The following GLT1D1 variants were observed in gnomAD, a reference collection of about 807,000 sequenced individuals.
GLT1D1 encodes glycosyltransferase 1 domain-containing protein 1.
A neutral mutation model predicts 28.7 loss-of-function variants in GLT1D1; 21 were observed. That is an observed-to-expected ratio of 0.73 (90% CI 0.52 to 1.05). GLT1D1 has a LOEUF of 1.05. GLT1D1 is among the 50% of genes least tolerant of loss of function. The pLI is 0.00. For synonymous variants in GLT1D1, 147 were observed against 124.8 expected (o/e 1.18, Z -1.19); for missense variants, 343 against 330.6 (o/e 1.04, Z -0.29).
At position 128,959,411 on chromosome 12, in the gene GLT1D1, T is replaced by TA. The variant is rs1555219942; in HGVS notation, c.639+1768_639+1769insA. ...GATGAAAGCCAGCTTCATGAGGCAG[T>TA]GGGGGGGGACGGGTGGGGAGGTGGC... On this transcript the variant is annotated intron_variant, in intron 7 of 7. Transcript: ENST00000281703. Among the ~76,000 whole-genome samples, 284 of 31,526 alleles carry TA rather than the reference T, an allele frequency of 9.0e-3. 3 individuals carry two copies. Among genetic ancestry groups the TA allele is most frequent in the African/African-American group, 0.03 (268 of 8,886 alleles). The allele number at this position is 31,526 out of a possible 152,430, so 20.7% of individuals were successfully genotyped here. A position where few individuals can be genotyped will look rare whatever the true frequency, so the allele number is the denominator to read the frequency against.
intron 7 of GLT1D1, among the ~76,000 whole-genome samples, chr12:128,978,847 G>A (rs1170921852): frequency 1.3e-5 from 2 of 152,134 alleles, no homozygotes; most frequent in Non-Finnish European, 2.9e-5. Flanking sequence ...GACCATATAG[G>A]GCAATTTCCT....
chr12:128,934,383 G>A (rs11060026), intron 4 of GLT1D1, among the ~76,000 whole-genome samples: 20,465 of 151,888 alleles, frequency 0.13, 1,670 homozygotes, highest in East Asian at 0.34. Flanking sequence ...TAGTAGAGAC[G>A]GGGTTTTGCC....
At chr12:128,869,192 G>T (rs1304794230) in intron 1 of GLT1D1, among the ~76,000 whole-genome samples, 3 of 151,590 alleles carry the variant, frequency 2.0e-5, no homozygotes. Flanking sequence ...TCTTTGACAG[G>T]GTCTCACTCG....
At position 128,938,735 on chromosome 12, in the gene GLT1D1, G is replaced by T. The variant is rs116413844; in HGVS notation, c.376-6591G>T. On this transcript the variant is annotated intron_variant, in intron 4 of 7. Coordinates refer to ENST00000281703, the MANE Select transcript of GLT1D1 (RefSeq NM_144669.3). ...CACTCCCGGCTCATCAGGAGTAGCA[G>T]CTGGGAAGAAACTGCAGGCATAGCA... Among the ~76,000 whole-genome samples, 146 of 152,330 alleles carry T rather than the reference G, an allele frequency of 9.6e-4. 1 individual carries two copies. Among genetic ancestry groups the T allele is most frequent in the Non-Finnish European group, 3.5e-4 (24 of 68,018 alleles).
chr12:128,950,050 A>AGT (rs149287018), intron 6 of GLT1D1, among the ~76,000 whole-genome samples: 70 of 151,550 alleles, frequency 4.6e-4, no homozygotes, highest in Admixed American at 2.8e-3. Context: ...CTAGTTTCTG[A>AGT]GTGTGTGTGT....
chr12:128,929,228 G>A (rs868641342), intron 4 of GLT1D1, among the ~76,000 whole-genome samples: 7 of 152,186 alleles, frequency 4.6e-5, no homozygotes, highest in African/African-American at 9.7e-5. Context: ...TCTGTTGTTC[G>A]TCAGCCTCTG....
intron 1 of GLT1D1, among the ~76,000 whole-genome samples, chr12:128,873,199 C>G (rs1021568256): frequency 2.6e-5 from 4 of 152,138 alleles, no homozygotes; most frequent in African/African-American, 9.7e-5. Flanking sequence ...CCTGGCCTGA[C>G]TCTCCTCTTT....
chr12:128,938,959 CT>C (rs1874838814), intron 4 of GLT1D1, among the ~76,000 whole-genome samples: 2 of 152,132 alleles, frequency 1.3e-5, no homozygotes, highest in Admixed American at 1.3e-4. Flanking sequence ...TAACTGTATT[CT>C]GCAGCTTTGT....
intron 4 of GLT1D1, among the ~76,000 whole-genome samples, chr12:128,930,814 T>C (rs1873777916): frequency 6.6e-6 from 1 of 152,204 alleles, no homozygotes; most frequent in Admixed American, 6.5e-5. Context: ...GGACGCTGCC[T>C]GGATTGATCT....
At chr12:128,879,381 T>TCCTTCCTTCCTTCCTTCCTTC (rs1566096266) in intron 2 of GLT1D1, among the ~76,000 whole-genome samples, 3 of 29,298 alleles carry the variant, frequency 1.0e-4, no homozygotes, top group Admixed American at 4.1e-4. Flanking sequence ...TTTTTCTTTT[T>TCCTTCCTTCCTTCCTTCCTTC]CTTTCTTTCT....
intron 4 of GLT1D1, among the ~76,000 whole-genome samples, chr12:128,933,384 G>A (rs1874158263): frequency 6.6e-6 from 1 of 152,380 alleles, no homozygotes; most frequent in Middle Eastern, 3.4e-3. Context: ...TGAACAATAC[G>A]CTTTCTTTTA....
intron 4 of GLT1D1, among the ~76,000 whole-genome samples, chr12:128,913,485 T>C (rs1389808913): frequency 6.6e-6 from 1 of 152,214 alleles, no homozygotes; most frequent in Non-Finnish European, 1.5e-5. Flanking sequence ...CCTCCCAGAT[T>C]GCTGGGGTTC....
chr12:128,890,296 T>C (rs484217), intron 3 of GLT1D1, among the ~76,000 whole-genome samples: 3,978 of 152,304 alleles, frequency 0.026, 184 homozygotes, highest in African/African-American at 0.089. Context: ...AATGAGGTGC[T>C]GCCCAATTCT....
chr12:128,902,173 A>C (rs140843640), intron 4 of GLT1D1, among the ~76,000 whole-genome samples: 1 of 151,542 alleles, frequency 6.6e-6, no homozygotes. Context: ...AGACCAATGG[A>C]CTTTAATATA....
intron 7 of GLT1D1, among the ~76,000 whole-genome samples, chr12:128,963,501 C>T (rs1354572408): frequency 6.6e-6 from 1 of 152,048 alleles, no homozygotes; most frequent in African/African-American, 2.4e-5. Flanking sequence ...CAAAAATTAG[C>T]CAGGCATAGT....
chr12:128,859,480 A>G (rs1956305990), intron 1 of GLT1D1, among the ~76,000 whole-genome samples: 1 of 152,160 alleles, frequency 6.6e-6, no homozygotes, highest in African/African-American at 2.4e-5. Context: ...CGCTGTCACC[A>G]CTAGTGTTGG....
intron 1 of GLT1D1, among the ~76,000 whole-genome samples, chr12:128,862,081 C>A (rs1233495279): frequency 6.6e-6 from 1 of 152,170 alleles, no homozygotes; most frequent in Non-Finnish European, 1.5e-5. Context: ...TTGATCCCAG[C>A]ATTTTGGGAG....
rs904744192 is a variant in GLT1D1, at chr12:128,853,481, G to T, written c.-101G>T. ...GCCTCGGGGAGGGGCGGGCGGGACA[G>T]ACCCAGCCGCCCCGGCTCCCCCGCC... On this transcript the variant is annotated 5_prime_UTR_variant, in exon 1 of 8. Coordinates refer to ENST00000281703, the MANE Select transcript of GLT1D1 (RefSeq NM_144669.3). The T allele has an allele frequency of 4.1e-5, 38 of 932,516 alleles. No homozygotes were observed. Among genetic ancestry groups the T allele is most frequent in the African/African-American group, 1.6e-4 (9 of 56,122 alleles). The allele number at this position is 932,516 out of a possible 1,614,324, so 57.8% of individuals were successfully genotyped here. A position where few individuals can be genotyped will look rare whatever the true frequency, so the allele number is the denominator to read the frequency against.
intron 4 of GLT1D1, among the ~76,000 whole-genome samples, chr12:128,901,430 C>G (rs1475670518): frequency 1.5e-5 from 2 of 131,892 alleles, no homozygotes; most frequent in Non-Finnish European, 3.2e-5. Flanking sequence ...TTTTCTCTCT[C>G]TCTCTCTCAT....
Sources: gnomAD v4.1 joint callset for allele counts (sites outside exome capture counted in the v4.1 genomes callset) on GRCh38, gnomAD v4.1.1 for gene constraint, MANE v1.5 for transcripts, NCBI Gene and HGNC (gene_info 2026-07-23, HGNC 2026-07-21) for gene names.